The following ZNF724 variants were observed in gnomAD, a reference collection of about 807,000 sequenced individuals.
ZNF724 encodes zinc finger protein 724, also known as zinc finger protein 724 pseudogene.
Under a neutral mutation model 29.3 loss-of-function variants are expected in ZNF724, and 14 were observed. That is an observed-to-expected ratio of 0.48 (90% CI 0.32 to 0.75). The LOEUF (loss-of-function observed/expected upper bound fraction) is 0.75. Ranked by LOEUF, ZNF724 falls within the 30% of genes least tolerant of loss-of-function variation. ZNF724 has a pLI of 0.04. For synonymous variants in ZNF724, 180 were observed against 193.6 expected (o/e 0.93, Z 0.58); for missense variants, 557 against 571.2 (o/e 0.98, Z 0.25).
chr19:23,236,652 C>T (rs573993116), intron 1 of ZNF724: 7 of 152,222 alleles, frequency 4.6e-5, no homozygotes, highest in African/African-American at 9.6e-5. Context: ...AAAATGTTCC[C>T]CTAAAATAAA....
rs751892424 is a variant in ZNF724, at chr19:23,222,320, A to AC, written c.*64dup. Reference sequence around the variant, plus strand: ...TCTCAATCTCTTGATCTTGTGATCCACCCGCCTTGGCCTCCCAAAGTGCTG... The same window carrying AC: ...TCTCAATCTCTTGATCTTGTGATCCACCCCGCCTTGGCCTCCCAAAGTGCTG... On this transcript the variant is annotated 3_prime_UTR_variant, in exon 4 of 4. Coordinates refer to ENST00000418100, the MANE Select transcript of ZNF724 (RefSeq NM_001355404.2). 5.5e-5 allele frequency: 38 copies of AC among 686,908 alleles called. No homozygotes were observed. The highest frequency in any genetic ancestry group is 8.8e-5 in the Non-Finnish European group (36 of 407,986). 42.6% of individuals were successfully genotyped at this position (686,908 alleles called of 1,614,324 possible).
At chr19:23,245,063 AAC>A (rs753487922) in intron 1 of ZNF724, among the ~76,000 whole-genome samples, 38 of 152,294 alleles carry the variant, frequency 2.5e-4, no homozygotes, top group Admixed American at 6.5e-4. Flanking sequence ...GTGCTCCAGA[AAC>A]AGTTTATGGA....
chr19:23,243,696 G>A (rs1972180495), intron 1 of ZNF724, among the ~76,000 whole-genome samples: 2 of 151,672 alleles, frequency 1.3e-5, no homozygotes, highest in African/African-American at 2.4e-5. Context: ...GCTGAGTTGG[G>A]CAGATCACCT....
intron 1 of ZNF724, among the ~76,000 whole-genome samples, chr19:23,233,556 A>C (rs1412982319): frequency 6.6e-6 from 1 of 152,204 alleles, no homozygotes; most frequent in Admixed American, 6.5e-5. Context: ...GCAGATCATA[A>C]ATTAATGGTG....
chr19:23,248,466 G>A (rs1405756026), intron 1 of ZNF724, among the ~76,000 whole-genome samples: 1 of 152,082 alleles, frequency 6.6e-6, no homozygotes, highest in African/African-American at 2.4e-5. Context: ...CGTAAAAAAT[G>A]CGGGGAAAAT....
rs545698014 is a variant in ZNF724, at chr19:23,233,483, A to G, written c.4-1190T>C. 5.0e-4 allele frequency among the ~76,000 whole-genome samples: 76 copies of G among 152,192 alleles called. 1 individual carries two copies. Among genetic ancestry groups the G allele is most frequent in the Non-Finnish European group, 1.0e-3 (69 of 67,976 alleles). On this transcript the variant is annotated intron_variant, in intron 1 of 3. Transcript: ENST00000418100. ...CTAAGGATCCCAGCTTTTCCCCAAT[A>G]GTAATCTTGAGTATCCACACTTTTC...
intron 1 of ZNF724, among the ~76,000 whole-genome samples, chr19:23,243,169 C>T (rs529009031): frequency 6.6e-5 from 10 of 151,768 alleles, no homozygotes; most frequent in African/African-American, 2.2e-4. Context: ...AATTGAAGCC[C>T]ATTATTCTTA....
At chr19:23,224,920 A>T (rs1971798613) in intron 3 of ZNF724, among the ~76,000 whole-genome samples, 2 of 151,970 alleles carry the variant, frequency 1.3e-5, no homozygotes, top group Admixed American at 1.3e-4. Context: ...ACACCACTGC[A>T]CTCCAGCCTG....
In ZNF724 at chr19:23,245,880, G is replaced by C. The variant is rs150069661; in HGVS notation, c.3+4360C>G. 1.2e-3 allele frequency among the ~76,000 whole-genome samples: 186 copies of C among 152,198 alleles called. 1 individual carries two copies. Among genetic ancestry groups the C allele is most frequent in the African/African-American group, 4.4e-3 (181 of 41,550 alleles). On this transcript the variant is annotated intron_variant, in intron 1 of 3. Coordinates refer to ENST00000418100, the MANE Select transcript of ZNF724 (RefSeq NM_001355404.2). ...CAAAGCAAGAACAACTTTATCTTCAGTAAGATCCTTTCAGTCCCATTCCAT... is the reference window on the plus strand; with the variant it reads ...CAAAGCAAGAACAACTTTATCTTCACTAAGATCCTTTCAGTCCCATTCCAT...
In ZNF724 at chr19:23,223,895, T is replaced by C. The variant is rs749474352; in HGVS notation, c.350A>G (p.Tyr117Cys). Residue 117 changes from tyrosine to cysteine, a missense_variant, in exon 4 of 4, where the codon TAT (tyrosine) becomes TGT (cysteine). This residue lies in a region of ZNF724 where 362 missense variants were observed against 295.5 expected (regional missense o/e 1.22). Coordinates refer to ENST00000418100, the MANE Select transcript of ZNF724 (RefSeq NM_001355404.2). Reference sequence around the variant, plus strand: ...CACCTTGTACTCATCCACACTTTTATAGCCTTTTTTTAACTGTAAATTGTG... The same window carrying C: ...CACCTTGTACTCATCCACACTTTTACAGCCTTTTTTTAACTGTAAATTGTG... ...GHHNLQLKKG[Y>C]KSVDEYKVHK... is the part of the protein sequence containing the mutation. 1.3e-5 allele frequency: 10 copies of C among 776,016 alleles called. No individual in the cohort carries two copies. The South Asian group carries it at 1.4e-4, about 11-fold the overall frequency. 48.1% of individuals were successfully genotyped at this position (776,016 alleles called of 1,614,324 possible). A position where few individuals can be genotyped will look rare whatever the true frequency, so the allele number is the denominator to read the frequency against.
intron 1 of ZNF724, among the ~76,000 whole-genome samples, chr19:23,241,497 C>G (rs1332667612): frequency 1.3e-5 from 2 of 152,116 alleles, no homozygotes; most frequent in South Asian, 2.1e-4. Context: ...AAATCCTCAA[C>G]AAAATATGGG....
chr19:23,245,720 A>C (rs1020764219), intron 1 of ZNF724, among the ~76,000 whole-genome samples: 1 of 152,044 alleles, frequency 6.6e-6, no homozygotes, highest in Non-Finnish European at 1.5e-5. Flanking sequence ...TATGAAAAAA[A>C]CCCACCCTTG....
At chr19:23,237,347 T>C (rs887903072) in intron 1 of ZNF724, among the ~76,000 whole-genome samples, 1 of 152,172 alleles carries the variant, frequency 6.6e-6, no homozygotes, top group Non-Finnish European at 1.5e-5. Flanking sequence ...TGCTTACCTA[T>C]ATCTATTGGG....
At chr19:23,225,131 C>A (rs762938424) in intron 3 of ZNF724, among the ~76,000 whole-genome samples, 2 of 152,128 alleles carry the variant, frequency 1.3e-5, no homozygotes, top group Non-Finnish European at 2.9e-5. Flanking sequence ...ATACAGCAAT[C>A]CCATTTATTA....
chr19:23,240,345 A>T (rs1288811690), intron 1 of ZNF724, among the ~76,000 whole-genome samples: 1 of 151,956 alleles, frequency 6.6e-6, no homozygotes, highest in African/African-American at 2.4e-5. Flanking sequence ...GAATGGCACT[A>T]AGGCCCAGAG....
intron 3 of ZNF724, among the ~76,000 whole-genome samples, chr19:23,226,662 AAG>A (rs1971833409): frequency 6.6e-6 from 1 of 152,214 alleles, no homozygotes; most frequent in African/African-American, 2.4e-5. Flanking sequence ...GTGTAGAAAT[AAG>A]ATTATTTTCA....
intron 1 of ZNF724, among the ~76,000 whole-genome samples, chr19:23,237,806 A>G (rs1185904016): frequency 1.3e-5 from 2 of 151,966 alleles, no homozygotes; most frequent in African/African-American, 2.4e-5. Context: ...ATTGTTTTGA[A>G]GCAGTAAATA....
Position 23,222,599 on chromosome 19 carries a change from A to G in ZNF724, c.1646T>C (p.Leu549Pro), listed in dbSNP as rs1227667170. 7.3e-7 allele frequency: 1 copy of G among 1,375,618 alleles called. No homozygotes were observed. The highest frequency in any genetic ancestry group is 1.0e-6 in the Non-Finnish European group (1 of 964,672). The allele number at this position is 1,375,618 out of a possible 1,614,324, so 85.2% of individuals were successfully genotyped here. A position where few individuals can be genotyped will look rare whatever the true frequency, so the allele number is the denominator to read the frequency against. ...AGTATGAATTATCTTATGTTGAGTA[A>G]GGTTTGAGTATTGGTAAAAAGCTTT... ...CGKAFYQYSN[L>P]TQHKIIHTGE... Residue 549 changes from leucine to proline, a missense_variant, in exon 4 of 4, where the codon CTT becomes CCT. By Grantham distance (98) the Leu-to-Pro change is moderately conservative (BLOSUM62 -3). Transcript: ENST00000418100.
At position 23,223,268 on chromosome 19, in the gene ZNF724, G is replaced by T; in HGVS notation, c.977C>A (p.Thr326Asn). The T allele has an allele frequency of 1.2e-6, 1 of 839,140 alleles. No individual in the cohort carries two copies. Among genetic ancestry groups the T allele is most frequent in the Non-Finnish European group, 2.1e-6 (1 of 480,334 alleles). The allele number at this position is 839,140 out of a possible 1,614,324, so 52.0% of individuals were successfully genotyped here. A position where few individuals can be genotyped will look rare whatever the true frequency, so the allele number is the denominator to read the frequency against. ...ACCAGTATGAATTCTCTTATGTTTA[G>T]TAAGGTTCGAGGATTGGTTAAAAGC... ...GRAFNQSSNL[T>N]KHKRIHTGDK... Residue 326 changes from threonine (T) to asparagine (N), a missense_variant, in exon 4 of 4, where the codon ACT becomes AAT. By Grantham distance (65) the Thr-to-Asn change is moderately conservative (BLOSUM62 0). Around this residue, in one of 3 missense-constraint regions of ZNF724, gnomAD observed 362 missense variants for 295.5 expected, o/e 1.22. Transcript: ENST00000418100.
Sources: gnomAD v4.1 joint callset for allele counts (sites outside exome capture counted in the v4.1 genomes callset) on GRCh38, gnomAD v4.1.1 for gene constraint, gnomAD v4.1.1 regional missense constraint, MANE v1.5 for transcripts, NCBI Gene and HGNC (gene_info 2026-07-23, HGNC 2026-07-21) for gene names.